Variants in SHISA9 observed in about 807,000 individuals in gnomAD.
The protein encoded by SHISA9 is protein shisa-9.
A neutral mutation model predicts 38.0 loss-of-function variants in SHISA9; 13 were observed. The ratio of observed to expected loss-of-function variants is 0.34; its 90% confidence interval spans 0.22 to 0.54. The LOEUF (loss-of-function observed/expected upper bound fraction) is 0.54, where lower values mean the gene tolerates loss of function less well. Among genes scored for constraint, SHISA9 ranks in the 20% least tolerant of loss-of-function variants. The probability of loss-of-function intolerance (pLI) is 0.91; values close to 1 mark genes in which losing one functional copy is unlikely to be tolerated. For missense variants in SHISA9, 538 were observed against 575.8 expected (o/e 0.93, Z 0.67); for synonymous variants, 275 against 242.0 (o/e 1.14, Z -1.27).
rs190200315 is a variant in SHISA9 at position 13,152,121 on chromosome 16, A to G, written c.692-51273A>G. 2.0e-3 allele frequency among the ~76,000 whole-genome samples: 303 copies of G among 152,334 alleles called. 2 individuals are homozygous for G. The highest frequency in any genetic ancestry group is 3.7e-3 in the Non-Finnish European group (253 of 68,036). On this transcript the variant is annotated intron_variant, in intron 2 of 4. Transcript: ENST00000558583. ...ATACTGCTTTTTTCATTCAGTGTAA[A>G]TAAATAAAAGGGGCTAGTTCCAACA...
chr16:13,363,320 G>T, the SHISA9 span, among the ~76,000 whole-genome samples: 1 of 152,212 alleles, frequency 6.6e-6, no homozygotes, highest in East Asian at 1.9e-4. Flanking sequence ...TCTTGAGGAA[G>T]AACTAAGTCT....
At chr16:13,232,754 G>A (rs1251211680) in intron 4 of SHISA9, among the ~76,000 whole-genome samples, 1 of 152,328 alleles carries the variant, frequency 6.6e-6, no homozygotes, top group East Asian at 1.9e-4. Context: ...TTGACAATTG[G>A]TTGAGTCTAA....
At chr16:13,290,149 C>T in the SHISA9 span, among the ~76,000 whole-genome samples, 1 of 152,034 alleles carries the variant, frequency 6.6e-6, no homozygotes, top group Non-Finnish European at 1.5e-5. Context: ...AAATTTAGAG[C>T]CCATTTGTAG....
chr16:12,903,755 C>G (rs1205505512), intron 1 of SHISA9, among the ~76,000 whole-genome samples: 1 of 152,098 alleles, frequency 6.6e-6, no homozygotes, highest in African/African-American at 2.4e-5. Context: ...GTATTTTTCT[C>G]TACCCTCTCC....
At chr16:13,139,661 C>T (rs868290566) in intron 2 of SHISA9, among the ~76,000 whole-genome samples, 1 of 152,024 alleles carries the variant, frequency 6.6e-6, no homozygotes, top group Non-Finnish European at 1.5e-5. Context: ...GTCTTGGAAA[C>T]AATTCTTCAG....
chr16:13,266,218 T>C, the SHISA9 span, among the ~76,000 whole-genome samples: 1 of 152,220 alleles, frequency 6.6e-6, no homozygotes, highest in African/African-American at 2.4e-5. Context: ...AGGCAAGGGA[T>C]TTTAATGGTT....
chr16:13,258,746 T>C, the SHISA9 span, among the ~76,000 whole-genome samples: 1 of 152,046 alleles, frequency 6.6e-6, no homozygotes. Context: ...GATAAACCCA[T>C]CAGATTTCAT....
At chr16:13,263,760 G>A in the SHISA9 span, among the ~76,000 whole-genome samples, 1 of 152,050 alleles carries the variant, frequency 6.6e-6, no homozygotes. Flanking sequence ...AATTTCCTGG[G>A]TTTTATTGTG....
the SHISA9 span, among the ~76,000 whole-genome samples, chr16:13,506,635 A>G: frequency 6.6e-6 from 1 of 152,202 alleles, no homozygotes; most frequent in African/African-American, 2.4e-5. Context: ...AAGCAAAAAC[A>G]AAGAGGATGG....
chr16:13,007,697 C>T (rs910551979), intron 2 of SHISA9, among the ~76,000 whole-genome samples: 10 of 152,240 alleles, frequency 6.6e-5, no homozygotes, highest in Non-Finnish European at 1.0e-4. Context: ...GATCTGCTCA[C>T]TGTTCCTTCA....
chr16:13,117,129 C>G (rs983872778), intron 2 of SHISA9, among the ~76,000 whole-genome samples: 1 of 152,184 alleles, frequency 6.6e-6, no homozygotes, highest in Non-Finnish European at 1.5e-5. Flanking sequence ...TGCGCCACCA[C>G]CACGCCCGGC....
chr16:13,432,319 A>G, the SHISA9 span, among the ~76,000 whole-genome samples: 4 of 152,288 alleles, frequency 2.6e-5, no homozygotes, highest in East Asian at 7.7e-4. Context: ...GCAGGTGACT[A>G]TTTGCAAGCC....
intron 2 of SHISA9, among the ~76,000 whole-genome samples, chr16:13,111,236 C>G (rs1317134564): frequency 6.6e-6 from 1 of 151,756 alleles, no homozygotes; most frequent in East Asian, 1.9e-4. Context: ...GCAAAAGAAA[C>G]TATCATCAGA....
the SHISA9 span, among the ~76,000 whole-genome samples, chr16:13,380,176 G>T: frequency 6.6e-6 from 1 of 151,762 alleles, no homozygotes; most frequent in Non-Finnish European, 1.5e-5. Flanking sequence ...ATAGAAGAGG[G>T]ATTACAGAGG....
chr16:13,472,866 T>C, the SHISA9 span, among the ~76,000 whole-genome samples: 31 of 152,370 alleles, frequency 2.0e-4, no homozygotes, highest in Non-Finnish European at 4.3e-4. Flanking sequence ...GTCTTTTTAC[T>C]ATTTCCCACG....
the SHISA9 span, among the ~76,000 whole-genome samples, chr16:13,519,931 G>A: frequency 1.3e-5 from 2 of 152,038 alleles, no homozygotes; most frequent in African/African-American, 4.8e-5. Context: ...GATTTGGGTG[G>A]GGACACTCAA....
At chr16:13,439,917 G>T in the SHISA9 span, among the ~76,000 whole-genome samples, 1 of 152,170 alleles carries the variant, frequency 6.6e-6, no homozygotes, top group Non-Finnish European at 1.5e-5. Context: ...CATTAGAAGG[G>T]CAGTGATCTC....
chr16:13,501,978 G>A, the SHISA9 span, among the ~76,000 whole-genome samples: 1 of 149,648 alleles, frequency 6.7e-6, no homozygotes. Flanking sequence ...CTGCAGCCTG[G>A]GCAACAAAGC....
At chr16:13,393,058 G>A in the SHISA9 span, among the ~76,000 whole-genome samples, 2 of 152,162 alleles carry the variant, frequency 1.3e-5, no homozygotes, top group African/African-American at 4.8e-5. Flanking sequence ...CCACTGATGG[G>A]AACCAAATGG....
Sources: allele counts gnomAD v4.1 joint callset (sites outside exome capture counted in the v4.1 genomes callset), GRCh38; gene constraint gnomAD v4.1.1; transcripts MANE v1.5; gene names NCBI Gene and HGNC (gene_info 2026-07-23, HGNC 2026-07-21).